MEMO1: variants seen among roughly 807,000 people sequenced by gnomAD.
The protein encoded by MEMO1 is protein MEMO1.
MEMO1 carries 6 observed loss-of-function variants against 45.2 expected under a neutral mutation model. The observed-to-expected ratio is 0.13, with a 90% CI of 0.07 to 0.26. The LOEUF (loss-of-function observed/expected upper bound fraction) is 0.26, where lower values mean the gene tolerates loss of function less well. Ranked by LOEUF, MEMO1 falls within the 10% of genes least tolerant of loss-of-function variation. MEMO1 has a pLI of 1.00. For missense variants in MEMO1, 184 were observed against 370.5 expected (o/e 0.50, Z 4.13); for synonymous variants, 78 against 124.3 (o/e 0.63, Z 2.48).
chr2:31,910,837 A>C (rs1322401546), intron 6 of MEMO1, among the ~76,000 whole-genome samples: 2 of 152,124 alleles, frequency 1.3e-5, no homozygotes, highest in African/African-American at 4.8e-5. Flanking sequence ...ACTCCAGCCT[A>C]AATAAGAGTA....
chr2:31,990,351 C>A (rs1482194384), intron 2 of MEMO1, among the ~76,000 whole-genome samples: 1 of 152,070 alleles, frequency 6.6e-6, no homozygotes, highest in Non-Finnish European at 1.5e-5. Flanking sequence ...TTAAAAATGT[C>A]ATTTATGTTA....
intron 6 of MEMO1, among the ~76,000 whole-genome samples, chr2:31,913,049 C>G (rs1680837283): frequency 6.6e-6 from 1 of 151,992 alleles, no homozygotes; most frequent in African/African-American, 2.4e-5. Flanking sequence ...GAGGCCAAGG[C>G]GGGCGGATCA....
rs61002743 is a variant in MEMO1, at chr2:31,919,949, C to CGTGTGTGT, written c.325+841_325+848dup. ...ACATGCACATGCACACACACATACA[C>CGTGTGTGT]GTGTGTGTGTGTGTGTGTGTGTGTG... On this transcript the variant is annotated intron_variant, in intron 5 of 9. Transcript: ENST00000404530. Among the ~76,000 whole-genome samples, 45 of 145,310 alleles carry CGTGTGTGT rather than the reference C, an allele frequency of 3.1e-4. No homozygotes were observed. In the South Asian group the frequency reaches 9.1e-3, roughly 29 times the overall value.
At chr2:31,974,505 G>T (rs562780162) in intron 2 of MEMO1, among the ~76,000 whole-genome samples, 2 of 152,136 alleles carry the variant, frequency 1.3e-5, no homozygotes, top group Non-Finnish European at 2.9e-5. Context: ...CCAGTATTCT[G>T]GGGGGTTGAG....
At chr2:31,938,673 C>A (rs563867729) in intron 3 of MEMO1, among the ~76,000 whole-genome samples, 5 of 151,734 alleles carry the variant, frequency 3.3e-5, no homozygotes, top group Admixed American at 6.6e-5. Context: ...AAAATAAAAA[C>A]TAAGAAAAGC....
chr2:31,869,505 G>C (rs896196316), intron 9 of MEMO1, among the ~76,000 whole-genome samples: 3 of 151,850 alleles, frequency 2.0e-5, no homozygotes, highest in Admixed American at 1.3e-4. Context: ...ATAGAGTCTA[G>C]ACCAGTAAAT....
chr2:31,915,349 TGTCAACA>T (rs923774336), intron 6 of MEMO1, among the ~76,000 whole-genome samples: 1 of 152,166 alleles, frequency 6.6e-6, no homozygotes, highest in Non-Finnish European at 1.5e-5. Flanking sequence ...CAAAGACGGC[TGTCAACA>T]GTTTCTCTTA....
intron 6 of MEMO1, among the ~76,000 whole-genome samples, chr2:31,912,796 C>T (rs1435893821): frequency 6.6e-6 from 1 of 152,092 alleles, no homozygotes; most frequent in Non-Finnish European, 1.5e-5. Context: ...TAAACACTGG[C>T]TGAGTAGAAC....
intron 6 of MEMO1, among the ~76,000 whole-genome samples, chr2:31,898,814 G>T (rs539571747): frequency 1.3e-3 from 194 of 152,204 alleles, no homozygotes; most frequent in African/African-American, 4.4e-3. Flanking sequence ...TAATGGGGCG[G>T]TAAGTCTCCG....
intron 2 of MEMO1, among the ~76,000 whole-genome samples, chr2:31,986,582 A>G (rs2148523843): frequency 6.6e-6 from 1 of 152,334 alleles, no homozygotes; most frequent in East Asian, 1.9e-4. Context: ...ACCTATTTAT[A>G]AACATATTAA....
intron 2 of MEMO1, among the ~76,000 whole-genome samples, chr2:31,949,969 ATTATT>A (rs1353696362): frequency 6.6e-6 from 1 of 152,226 alleles, no homozygotes; most frequent in Non-Finnish European, 1.5e-5. Flanking sequence ...TGGGTGCACC[ATTATT>A]TTAAGTATCA....
chr2:31,937,132 T>C (rs1665009151), intron 3 of MEMO1, among the ~76,000 whole-genome samples: 1 of 152,226 alleles, frequency 6.6e-6, no homozygotes, highest in Non-Finnish European at 1.5e-5. Flanking sequence ...ACCTAGTCTT[T>C]TATTCTTTTA....
chr2:31,888,999 A>C (rs1676565837), intron 7 of MEMO1, among the ~76,000 whole-genome samples: 1 of 152,112 alleles, frequency 6.6e-6, no homozygotes, highest in East Asian at 1.9e-4. Flanking sequence ...AAATAAATTT[A>C]AGAAAATAAA....
chr2:31,973,615 A>T (rs1435936555), intron 2 of MEMO1, among the ~76,000 whole-genome samples: 2 of 152,368 alleles, frequency 1.3e-5, no homozygotes, highest in East Asian at 3.9e-4. Context: ...ATATACATAC[A>T]ATAAAGTATT....
chr2:31,909,606 T>C (rs914120013), intron 6 of MEMO1, among the ~76,000 whole-genome samples: 6 of 152,048 alleles, frequency 3.9e-5, no homozygotes, highest in African/African-American at 1.4e-4. Context: ...TGAAAGGAAT[T>C]GAAGAGGACA....
chr2:31,943,305 G>A lies in MEMO1; in HGVS notation c.140C>T (p.Ala47Val), dbSNP rs772740807. The A allele has an allele frequency of 1.9e-6, 3 of 1,610,306 alleles. No homozygotes were observed. The highest frequency in any genetic ancestry group is 1.3e-5 in the African/African-American group (1 of 74,828). The change falls in exon 3 of 10, where the codon GCC (alanine) becomes GTC (valine). Residue 47 changes from alanine (A) to valine (V), a missense_variant. By Grantham distance (64) the Ala-to-Val change is moderately conservative. This residue lies in a region of MEMO1 where 27 missense variants were observed against 82.1 expected (regional missense o/e 0.33). Transcript: ENST00000404530. ...STKRPARAII[A>V]PHAGYTYCGS... ...AACAAAAACAAAAAAGACTTACGGG[G>A]CAATAATGGCTCTAGCAGGTCTTTT...
intron 2 of MEMO1, among the ~76,000 whole-genome samples, chr2:31,943,680 T>C (rs999456796): frequency 5.9e-5 from 9 of 152,142 alleles, no homozygotes; most frequent in African/African-American, 1.9e-4. Context: ...TTAAACAAAA[T>C]AAAACAGGAA....
intron 2 of MEMO1, among the ~76,000 whole-genome samples, chr2:31,949,851 T>C (rs759978555): frequency 6.6e-6 from 1 of 152,128 alleles, no homozygotes; most frequent in African/African-American, 2.4e-5. Flanking sequence ...GCTTATTTCA[T>C]ATTGCATGCC....
intron 2 of MEMO1, among the ~76,000 whole-genome samples, chr2:31,946,344 C>T (rs754692321): frequency 6.6e-6 from 1 of 151,622 alleles, no homozygotes; most frequent in East Asian, 1.9e-4. Flanking sequence ...ATAAACAGGT[C>T]AAGTTTAAAA....
Sources: allele counts gnomAD v4.1 joint callset (sites outside exome capture counted in the v4.1 genomes callset), GRCh38; gene constraint gnomAD v4.1.1; regional missense constraint gnomAD v4.1.1; transcripts MANE v1.5; gene names NCBI Gene and HGNC (gene_info 2026-07-23, HGNC 2026-07-21).